Variants in SLC27A1 observed in about 807,000 individuals in gnomAD.
SLC27A1 encodes long-chain fatty acid transport protein 1.
SLC27A1 carries 61 observed loss-of-function variants against 62.2 expected under a neutral mutation model. The observed-to-expected ratio is 0.98, with a 90% confidence interval of 0.80 to 1.21. The LOEUF (loss-of-function observed/expected upper bound fraction) is 1.21, where lower values mean the gene tolerates loss of function less well. Among genes scored for constraint, SLC27A1 ranks in the 50% most tolerant of loss-of-function variants. SLC27A1 has a pLI of 0.00. For missense variants in SLC27A1, 903 were observed against 932.1 expected, an observed-to-expected ratio of 0.97 and a Z score of 0.41; for synonymous variants, 435 against 408.6, an observed-to-expected ratio of 1.06 and a Z score of -0.78.
At chr19:17,488,745 G>A in intron 4 of SLC27A1, 103 bp from the exon 5 acceptor site, 1 of 979,878 alleles carries the variant, frequency 1.0e-6, no homozygotes. Flanking sequence ...ATGCGAACTG[G>A]GCTGGCTTTG....
chr19:17,480,006 G>A (rs1444088912), intron 1 of SLC27A1, among the ~76,000 whole-genome samples: 2 of 152,002 alleles, frequency 1.3e-5, no homozygotes, highest in Non-Finnish European at 2.9e-5. Flanking sequence ...ACTTTAAGAT[G>A]CCAAATTTTT....
At chr19:17,476,191 G>C (rs2075120052) in intron 1 of SLC27A1, among the ~76,000 whole-genome samples, 1 of 152,060 alleles carries the variant, frequency 6.6e-6, no homozygotes, top group Non-Finnish European at 1.5e-5. Context: ...TTCTTGGGGT[G>C]CTCCGTCAAA....
chr19:17,483,533 T>C (rs937450406), intron 1 of SLC27A1, among the ~76,000 whole-genome samples: 15 of 152,132 alleles, frequency 9.9e-5, no homozygotes, highest in African/African-American at 2.9e-4. Flanking sequence ...CAGAGGGGCC[T>C]TCTAGGGGCT....
chr19:17,478,901 A>G (rs1428611478), intron 1 of SLC27A1, among the ~76,000 whole-genome samples: 2 of 152,042 alleles, frequency 1.3e-5, no homozygotes, highest in African/African-American at 4.8e-5. Flanking sequence ...TGTTGTCTTG[A>G]TGACTTCAGA....
intron 1 of SLC27A1, among the ~76,000 whole-genome samples, chr19:17,479,870 C>G (rs1172939169): frequency 1.3e-5 from 2 of 152,114 alleles, no homozygotes; most frequent in Non-Finnish European, 2.9e-5. Context: ...TCTCAAACTC[C>G]TGGCCTCAAG....
intron 11 of SLC27A1, among the ~76,000 whole-genome samples, chr19:17,504,058 T>G (rs1489736415): frequency 6.6e-6 from 1 of 152,026 alleles, no homozygotes; most frequent in Non-Finnish European, 1.5e-5. Context: ...GTACTGAGAT[T>G]ATAGGCATGA....
In SLC27A1 at chr19:17,504,899, T is replaced by C. The variant is rs777735665; in HGVS notation, c.*287T>C. 3.6e-5 allele frequency: 21 copies of C among 585,082 alleles called. No homozygotes were observed. The highest frequency in any genetic ancestry group is 6.7e-5 in the Non-Finnish European group (21 of 311,638). The allele number at this position is 585,082 out of a possible 1,614,324, so 36.2% of individuals were successfully genotyped here. A position where few individuals can be genotyped will look rare whatever the true frequency, so the allele number is the denominator to read the frequency against. ...CCTCTTTTTCTTTTCTTTCTTTCTT[T>C]CTTTTTTTTTTAAGATAGAGTCTCA... On this transcript the variant is annotated 3_prime_UTR_variant, in exon 12 of 12. Coordinates refer to ENST00000252595, the MANE Select transcript of SLC27A1 (RefSeq NM_198580.3).
chr19:17,487,562 G>A (rs377504827), intron 4 of SLC27A1, 33 bp downstream of exon 4: 37 of 1,599,456 alleles, frequency 2.3e-5, no homozygotes, highest in African/African-American at 1.2e-4. Flanking sequence ...GCCCTCAGCC[G>A]CTGAGAGTGA....
chr19:17,475,669 C>T (rs927640573), intron 1 of SLC27A1, among the ~76,000 whole-genome samples: 2 of 152,220 alleles, frequency 1.3e-5, no homozygotes, highest in Non-Finnish European at 2.9e-5. Context: ...AGCCACTGTG[C>T]CGCACTGGAG....
chr19:17,491,730 T>A (rs1356822747), intron 6 of SLC27A1, among the ~76,000 whole-genome samples: 1 of 151,812 alleles, frequency 6.6e-6, no homozygotes, highest in African/African-American at 2.4e-5. Flanking sequence ...AAAATCTAGC[T>A]GGTTGTGGTG....
intron 6 of SLC27A1, chr19:17,496,305 G>GT (rs1415539613): frequency 1.3e-5 from 2 of 152,162 alleles, no homozygotes; most frequent in African/African-American, 4.8e-5. Flanking sequence ...AAGTGGCGGG[G>GT]GGGGAGTCAT....
chr19:17,472,109 T>C (rs544666041), intron 1 of SLC27A1, among the ~76,000 whole-genome samples: 12 of 152,288 alleles, frequency 7.9e-5, no homozygotes, highest in Admixed American at 7.2e-4. Context: ...ATTGACGCCA[T>C]ACTGGCCGGG....
chr19:17,479,945 G>C (rs1014985823), intron 1 of SLC27A1, among the ~76,000 whole-genome samples: 1 of 151,324 alleles, frequency 6.6e-6, no homozygotes, highest in African/African-American at 2.4e-5. Context: ...TGCCCAGCCT[G>C]GTCTGCTCTT....
chr19:17,478,800 T>A (rs1164066815), intron 1 of SLC27A1, among the ~76,000 whole-genome samples: 3 of 151,684 alleles, frequency 2.0e-5, no homozygotes, highest in Non-Finnish European at 4.4e-5. Flanking sequence ...GAGGTTGCAG[T>A]GAGCGGAGGT....
intron 4 of SLC27A1, among the ~76,000 whole-genome samples, chr19:17,487,940 C>G (rs1336558124): frequency 6.6e-6 from 1 of 151,960 alleles, no homozygotes; most frequent in South Asian, 2.1e-4. Context: ...TCCTCCTGCT[C>G]CCCCCACTCT....
intron 7 of SLC27A1, chr19:17,499,129 C>T (rs147921726): frequency 4.8e-4 from 98 of 204,456 alleles, no homozygotes; most frequent in African/African-American, 2.1e-3. Flanking sequence ...GAAAGGGAGA[C>T]TCCCTTTCCC....
At chr19:17,487,025 C>G in intron 2 of SLC27A1, 68 bp downstream of exon 2, 1 of 1,538,368 alleles carries the variant, frequency 6.5e-7, no homozygotes, top group African/African-American at 1.4e-5. Context: ...CGGGGAGATG[C>G]TGCGCCCCAG....
rs763106320 is a variant in SLC27A1, at chr19:17,486,585, G to A, written c.190G>A (p.Val64Met). 1.3e-6 allele frequency: 2 copies of A among 1,591,718 alleles called. No homozygotes were observed. The highest frequency in any genetic ancestry group is 1.7e-5 in the Admixed American group (1 of 59,026). Reference protein sequence around the residue: ...DLFGLSVLIRVRLELRRHQRA... With the variant: ...DLFGLSVLIRMRLELRRHQRA... The stretch of plus-strand genomic sequence containing the variant: ...CAGCGGTCTCTCTGTGCTGATCCGC[G>A]TGCGCCTGGAGCTGCGGCGGCACCA... Residue 64 changes from valine (V) to methionine (M), a missense_variant, in exon 2 of 12, where the codon GTG becomes ATG. Transcript: ENST00000252595. This position sits in a 1 kb window ranked among gnomAD's most constrained non-coding sequence, Gnocchi z 6.6.
chr19:17,503,931 C>CAAA (rs749427478), intron 11 of SLC27A1, among the ~76,000 whole-genome samples: 6 of 53,308 alleles, frequency 1.1e-4, no homozygotes, highest in Non-Finnish European at 1.3e-4. Flanking sequence ...GACTATGTCT[C>CAAA]AAAAAAAAAA....
Sources: allele counts gnomAD v4.1 joint callset (sites outside exome capture counted in the v4.1 genomes callset), GRCh38; gene constraint gnomAD v4.1.1; non-coding constraint Gnocchi (gnomAD v3.1); transcripts MANE v1.5; gene names NCBI Gene and HGNC (gene_info 2026-07-23, HGNC 2026-07-21).